The following GCSAML variants were observed in gnomAD, a reference collection of about 807,000 sequenced individuals.
GCSAML encodes the protein germinal center associated signaling and motility like, also known as germinal center-associated signaling and motility-like protein.
GCSAML carries 9 observed loss-of-function variants against 13.0 expected under a neutral mutation model. The ratio of observed to expected loss-of-function variants is 0.69; its 90% CI spans 0.42 to 1.21. The LOEUF is 1.21. GCSAML is among the 50% of genes most tolerant of loss of function. GCSAML has a pLI of 0.00. For synonymous variants in GCSAML, 37 were observed against 52.9 expected, an observed-to-expected ratio of 0.70 and a Z score of 1.31; for missense variants, 143 against 153.4, an observed-to-expected ratio of 0.93 and a Z score of 0.36.
intron 1 of GCSAML, among the ~76,000 whole-genome samples, chr1:247,522,178 G>A (rs1666460870): frequency 2.0e-5 from 3 of 151,280 alleles, no homozygotes; most frequent in East Asian, 2.0e-4. Context: ...GAGCGTCTCC[G>A]CCCGGCAGCC....
chr1:247,550,594 G>A (rs1006649366), intron 1 of GCSAML, among the ~76,000 whole-genome samples: 23 of 151,884 alleles, frequency 1.5e-4, no homozygotes, highest in Admixed American at 3.3e-4. Flanking sequence ...CCGAGATCCC[G>A]CCACTGCACT....
chr1:247,519,132 TTCTC>T (rs1455942677), intron 1 of GCSAML: 2 of 152,272 alleles, frequency 1.3e-5, no homozygotes, highest in African/African-American at 4.8e-5. Flanking sequence ...GAGCAAGGCG[TTCTC>T]TCTTTCAGGG....
At position 247,564,228 on chromosome 1, in the gene GCSAML, G is replaced by A. The variant is rs545441669; in HGVS notation, c.139+589G>A. 2.5e-4 allele frequency among the ~76,000 whole-genome samples: 38 copies of A among 152,062 alleles called. No homozygotes were observed. In the South Asian group the frequency reaches 5.0e-3, roughly 20 times the overall value. On this transcript the variant is annotated intron_variant, in intron 3 of 4. Coordinates refer to ENST00000366488, the MANE Select transcript of GCSAML (RefSeq NM_145278.5). ...ATTACAGGCGTGAGCCACCATGCCC[G>A]GCCCCTAAAAAGTGTATTATTTTGT...
chr1:247,537,186 C>T (rs1216900515), intron 2 of GCSAML, among the ~76,000 whole-genome samples: 1 of 152,118 alleles, frequency 6.6e-6, no homozygotes, highest in Non-Finnish European at 1.5e-5. Context: ...TATGGATTTG[C>T]CTATTTTGGA....
chr1:247,511,458 A>T (rs1666034537), intron 1 of GCSAML, among the ~76,000 whole-genome samples: 1 of 151,618 alleles, frequency 6.6e-6, no homozygotes, highest in South Asian at 2.1e-4. Flanking sequence ...ATGGGTCTTG[A>T]CTCTTTATTC....
chr1:247,519,136 C>T (rs1297517452), intron 1 of GCSAML: 1 of 152,288 alleles, frequency 6.6e-6, no homozygotes, highest in Non-Finnish European at 1.5e-5. Context: ...AAGGCGTTCT[C>T]TCTTTCAGGG....
intron 2 of GCSAML, among the ~76,000 whole-genome samples, chr1:247,556,833 C>T (rs57468293): frequency 0.24 from 36,230 of 152,014 alleles, 7,583 homozygotes; most frequent in African/African-American, 0.56. Context: ...TTTCCTTGCC[C>T]GAGACCATTC....
chr1:247,520,841 C>T (rs1364424451), intron 1 of GCSAML, among the ~76,000 whole-genome samples: 1 of 152,058 alleles, frequency 6.6e-6, no homozygotes, highest in Admixed American at 6.5e-5. Flanking sequence ...AAGGGGAAAC[C>T]AACTTACGTC....
intron 2 of GCSAML, among the ~76,000 whole-genome samples, chr1:247,563,095 G>A (rs563215924): frequency 3.3e-5 from 5 of 149,496 alleles, no homozygotes; most frequent in Admixed American, 6.8e-5. Flanking sequence ...TGATCTGCCC[G>A]CCTTGGCCTC....
intron 1 of GCSAML, among the ~76,000 whole-genome samples, chr1:247,552,734 T>G (rs1260377300): frequency 1.1e-4 from 16 of 152,350 alleles, no homozygotes; most frequent in Non-Finnish European, 1.5e-5. Context: ...TTGCAAATTC[T>G]TCTATGTTTA....
At chr1:247,556,519 A>G (rs1667957499) in intron 2 of GCSAML, 53 bp downstream of exon 2, 1 of 1,305,098 alleles carries the variant, frequency 7.7e-7, no homozygotes, top group Non-Finnish European at 1.1e-6. Flanking sequence ...TTGTTTTTTC[A>G]TTGAGATTAC....
chr1:247,535,224 A>G (rs1425449125), intron 2 of GCSAML, among the ~76,000 whole-genome samples: 3 of 152,204 alleles, frequency 2.0e-5, no homozygotes, highest in African/African-American at 7.2e-5. Flanking sequence ...CTGAGGCTAG[A>G]GGATGGCTTC....
intron 1 of GCSAML, 97 bp downstream of exon 1, chr1:247,549,317 C>T: frequency 9.2e-7 from 1 of 1,084,572 alleles, no homozygotes. Flanking sequence ...GTACATTGTG[C>T]TTCTAGAAGG....
At chr1:247,522,214 CCCCCGCCCAGCCAGCCGCCCTG>C (rs1666463584) in intron 1 of GCSAML, among the ~76,000 whole-genome samples, 1 of 149,384 alleles carries the variant, frequency 6.7e-6, no homozygotes, top group African/African-American at 2.5e-5. Flanking sequence ...TGGGGGGCAG[CCCCCGCCCAGCCAGCCGCCCTG>C]TCCGGGAGGG....
At chr1:247,548,382 T>G (rs924932355), upstream of GCSAML, among the ~76,000 whole-genome samples, 2 of 152,230 alleles carry the variant, frequency 1.3e-5, no homozygotes, top group African/African-American at 4.8e-5. This position sits in a 1 kb window ranked among gnomAD's most constrained non-coding sequence, Gnocchi z 5.3. Flanking sequence ...GCAACAGGTC[T>G]TCCAGGCCCT....
intron 1 of GCSAML, among the ~76,000 whole-genome samples, chr1:247,550,190 T>A (rs1232291798): frequency 6.6e-6 from 1 of 152,164 alleles, no homozygotes; most frequent in Non-Finnish European, 1.5e-5. Context: ...TGACCTACAG[T>A]CAAACAAAGT....
At chr1:247,519,862 C>CA (rs755314567) in intron 1 of GCSAML, among the ~76,000 whole-genome samples, 3 of 152,066 alleles carry the variant, frequency 2.0e-5, no homozygotes, top group Non-Finnish European at 4.4e-5. Flanking sequence ...GATATGGACT[C>CA]AAAGAGTTTG....
intron 2 of GCSAML, among the ~76,000 whole-genome samples, chr1:247,539,012 A>G (rs750766871): frequency 6.6e-6 from 1 of 152,182 alleles, no homozygotes; most frequent in Non-Finnish European, 1.5e-5. Context: ...AGAAGCTTGG[A>G]GTCCATGTGG....
At chr1:247,567,224 T>G (rs1558260685) in intron 4 of GCSAML, among the ~76,000 whole-genome samples, 3 of 152,024 alleles carry the variant, frequency 2.0e-5, no homozygotes. Flanking sequence ...GTCTGTTACA[T>G]AGGAATACAT....
Sources: allele counts gnomAD v4.1 joint callset (sites outside exome capture counted in the v4.1 genomes callset), GRCh38; gene constraint gnomAD v4.1.1; non-coding constraint Gnocchi (gnomAD v3.1); transcripts MANE v1.5; gene names NCBI Gene and HGNC (gene_info 2026-07-23, HGNC 2026-07-21).